The following WWOX variants were observed in gnomAD, a reference collection of about 807,000 sequenced individuals.
WWOX encodes the protein WW domain-containing oxidoreductase.
Under a neutral mutation model 46.2 loss-of-function variants are expected in WWOX, and 69 were observed. That is an observed-to-expected ratio of 1.49 (90% CI 1.23 to 1.82). WWOX has a LOEUF of 1.82. Among genes scored for constraint, WWOX ranks in the 40% most tolerant of loss-of-function variants. The pLI is 0.00. For missense variants in WWOX, 919 were observed against 542.6 expected (o/e 1.69, Z -6.89); for synonymous variants, 359 against 202.6 (o/e 1.77, Z -6.56).
intron 1 of WWOX, among the ~76,000 whole-genome samples, chr16:78,107,575 G>GGTGCCCT (rs1567573491): frequency 2.1e-4 from 32 of 152,012 alleles, no homozygotes; most frequent in African/African-American, 5.8e-4. Flanking sequence ...CGCACAGCTA[G>GGTGCCCT]ATGCCCTATG....
intron 4 of WWOX, among the ~76,000 whole-genome samples, chr16:78,126,655 C>T (rs1456892741): frequency 6.6e-6 from 1 of 152,140 alleles, no homozygotes; most frequent in African/African-American, 2.4e-5. Flanking sequence ...AGAGGAAATT[C>T]ACAGAGAAAG....
At chr16:79,051,080 A>T (rs2048158649) in intron 8 of WWOX, among the ~76,000 whole-genome samples, 1 of 152,248 alleles carries the variant, frequency 6.6e-6, no homozygotes, top group South Asian at 2.1e-4. Flanking sequence ...ATTTGCTGCC[A>T]TCACAACAGT....
chr16:78,904,819 C>T (rs772763485), intron 8 of WWOX, among the ~76,000 whole-genome samples: 6 of 152,110 alleles, frequency 3.9e-5, no homozygotes, highest in Non-Finnish European at 8.8e-5. Flanking sequence ...TTCTATGTTA[C>T]TGAATATTTC....
intron 4 of WWOX, among the ~76,000 whole-genome samples, chr16:78,157,979 C>T (rs978417244): frequency 6.6e-6 from 1 of 152,130 alleles, no homozygotes; most frequent in Non-Finnish European, 1.5e-5. Context: ...CCACTTATTC[C>T]CCATTTTACA....
chr16:78,333,942 T>TTTC (rs1555521356), intron 5 of WWOX, among the ~76,000 whole-genome samples: 1 of 151,896 alleles, frequency 6.6e-6, no homozygotes, highest in Non-Finnish European at 1.5e-5. Context: ...TTTAGAAACC[T>TTTC]TGCGTGATCC....
At chr16:78,965,398 A>AT (rs2046346116) in intron 8 of WWOX, among the ~76,000 whole-genome samples, 1 of 151,986 alleles carries the variant, frequency 6.6e-6, no homozygotes, top group African/African-American at 2.4e-5. Flanking sequence ...GTGAAACCCC[A>AT]TCTGTACTGT....
At chr16:78,571,516 C>A (rs144241482) in intron 8 of WWOX, among the ~76,000 whole-genome samples, 2,250 of 152,258 alleles carry the variant, frequency 0.015, 29 homozygotes, top group Non-Finnish European at 0.022. Flanking sequence ...CCTTAGAATA[C>A]AAACTGTCCT....
At chr16:79,094,567 A>T (rs1002067709) in intron 8 of WWOX, among the ~76,000 whole-genome samples, 6 of 152,088 alleles carry the variant, frequency 3.9e-5, no homozygotes, top group Non-Finnish European at 1.5e-5. Context: ...CTCAGTTTTA[A>T]AAAGCAAATA....
At chr16:78,882,078 A>G (rs747406002) in intron 8 of WWOX, among the ~76,000 whole-genome samples, 1 of 151,710 alleles carries the variant, frequency 6.6e-6, no homozygotes, top group Admixed American at 6.6e-5. Flanking sequence ...GCGAGCCGAG[A>G]TCACACCACT....
At chr16:78,364,154 C>T (rs1279707434) in intron 5 of WWOX, among the ~76,000 whole-genome samples, 2 of 152,164 alleles carry the variant, frequency 1.3e-5, no homozygotes, top group African/African-American at 2.4e-5. Flanking sequence ...TTTCCAGCGA[C>T]CCTGTTTGCA....
At chr16:78,355,637 G>C (rs2081270353) in intron 5 of WWOX, 4 of 618,014 alleles carry the variant, frequency 6.5e-6, no homozygotes, top group Admixed American at 2.0e-5. Context: ...AAACGACCGA[G>C]AGCTTCGAGG....
At chr16:78,634,877 C>A (rs1030987811) in intron 8 of WWOX, among the ~76,000 whole-genome samples, 1 of 141,216 alleles carries the variant, frequency 7.1e-6, no homozygotes, top group Non-Finnish European at 1.5e-5. Flanking sequence ...TGTGTGTGCG[C>A]GTGCATGTGT....
intron 8 of WWOX, among the ~76,000 whole-genome samples, chr16:78,581,927 C>A (rs1244649415): frequency 6.6e-6 from 1 of 152,044 alleles, no homozygotes; most frequent in Non-Finnish European, 1.5e-5. Flanking sequence ...GTATCTGACC[C>A]CCAAATCTAA....
chr16:78,944,122 G>A (rs2045904623), intron 8 of WWOX, among the ~76,000 whole-genome samples: 1 of 152,054 alleles, frequency 6.6e-6, no homozygotes, highest in Non-Finnish European at 1.5e-5. Context: ...TTTTGCTGTG[G>A]TATTGTCTGA....
At chr16:78,768,124 C>G (rs143080275) in intron 8 of WWOX, among the ~76,000 whole-genome samples, 2 of 148,294 alleles carry the variant, frequency 1.3e-5, no homozygotes, top group East Asian at 2.0e-4. Context: ...TAATTCTTGG[C>G]TTTGGATTTT....
chr16:78,706,174 A>AT (rs1262420164), intron 8 of WWOX, among the ~76,000 whole-genome samples: 1 of 147,762 alleles, frequency 6.8e-6, no homozygotes, highest in Non-Finnish European at 1.5e-5. Context: ...CAAGCCCCCT[A>AT]TTTAATAAGG....
chr16:78,165,558 A>T (rs1338025737), intron 5 of WWOX, among the ~76,000 whole-genome samples: 1 of 152,106 alleles, frequency 6.6e-6, no homozygotes, highest in Admixed American at 6.5e-5. Flanking sequence ...GGGGAATGGC[A>T]GGTGCAGAGG....
At chr16:78,675,727 A>T (rs918179970) in intron 8 of WWOX, among the ~76,000 whole-genome samples, 1 of 152,196 alleles carries the variant, frequency 6.6e-6, no homozygotes, top group Non-Finnish European at 1.5e-5. Context: ...ATAACCCTGC[A>T]CTTAGAGAGG....
intron 8 of WWOX, among the ~76,000 whole-genome samples, chr16:79,137,858 G>C (rs184753793): frequency 1.3e-5 from 2 of 152,106 alleles, no homozygotes; most frequent in East Asian, 3.9e-4. Flanking sequence ...GGCTGGGTCT[G>C]TGCCTCCACA....
Sources: gnomAD v4.1 joint callset for allele counts (sites outside exome capture counted in the v4.1 genomes callset) on GRCh38, gnomAD v4.1.1 for gene constraint, MANE v1.5 for transcripts, NCBI Gene and HGNC (gene_info 2026-07-23, HGNC 2026-07-21) for gene names.